The following NAV3 variants were observed in gnomAD, a reference collection of about 807,000 sequenced individuals.
NAV3 encodes the protein pore membrane and/or filament interacting like protein 1.
In NAV3, 87 loss-of-function variants were observed where a neutral mutation model predicts 244.7. The ratio of observed to expected loss-of-function variants is 0.36; its 90% confidence interval spans 0.30 to 0.42. The LOEUF is 0.42. Ranked by LOEUF, NAV3 falls within the 20% of genes least tolerant of loss-of-function variation. The probability of loss-of-function intolerance (pLI) is 1.00; values close to 1 mark genes in which losing one functional copy is unlikely to be tolerated. For synonymous variants in NAV3, 1,126 were observed against 1,042.2 expected, an observed-to-expected ratio of 1.08 and a Z score of -1.55; for missense variants, 2,663 against 2,893.3, an observed-to-expected ratio of 0.92 and a Z score of 1.83.
At chr12:77,685,826 A>G (rs937648039) in intron 2 of NAV3, among the ~76,000 whole-genome samples, 46 of 152,216 alleles carry the variant, frequency 3.0e-4, no homozygotes, top group African/African-American at 1.1e-3. Context: ...TAATTTATAA[A>G]TAGAAAAATT....
rs1428843046 is a variant in NAV3, at chr12:78,119,467, G to T, written c.3271G>T (p.Ala1091Ser). ...SSGATITSGSATLGKIPKSAA... is the reference protein window; with the variant it reads ...SSGATITSGSSTLGKIPKSAA... ...TGGAGCAACCATAACAAGTGGCTCT[G>T]CAACACTGGGTAAAATTCCAAAATC... Residue 1091 changes from alanine to serine, a missense_variant, in exon 15 of 40, where the codon GCA (alanine) becomes TCA (serine). Around this residue, in one of 6 missense-constraint regions of NAV3, gnomAD observed 1,521 missense variants for 1,497.0 expected, o/e 1.02. Transcript: ENST00000397909. 6.2e-7 allele frequency: 1 copy of T among 1,614,200 alleles called. No homozygotes were observed. Among genetic ancestry groups the T allele is most frequent in the Non-Finnish European group, 8.5e-7 (1 of 1,180,034 alleles).
At chr12:78,052,883 C>A (rs1364763482) in intron 11 of NAV3, among the ~76,000 whole-genome samples, 1 of 151,732 alleles carries the variant, frequency 6.6e-6, no homozygotes, top group African/African-American at 2.4e-5. Flanking sequence ...ATTTATATGG[C>A]TAATTATATA....
At chr12:77,796,759 C>T (rs912620867) in intron 2 of NAV3, among the ~76,000 whole-genome samples, 9 of 152,070 alleles carry the variant, frequency 5.9e-5, no homozygotes, top group East Asian at 1.9e-4. Flanking sequence ...TACTGAGGCA[C>T]GACTTTATAC....
At chr12:78,177,544 A>G (rs1204952731) in intron 27 of NAV3, 76 bp from the exon 28 acceptor site, 3 of 1,375,696 alleles carry the variant, frequency 2.2e-6, no homozygotes, top group African/African-American at 1.4e-5. Flanking sequence ...CTCATTCTCC[A>G]GTTTTCTGAA....
chr12:77,668,288 C>A (rs1357679017), intron 2 of NAV3, among the ~76,000 whole-genome samples: 1 of 152,124 alleles, frequency 6.6e-6, no homozygotes, highest in Admixed American at 6.5e-5. Flanking sequence ...GATGAAATCT[C>A]TGAATTGCCA....
At chr12:78,144,462 A>C (rs1013440551) in intron 20 of NAV3, among the ~76,000 whole-genome samples, 2 of 152,178 alleles carry the variant, frequency 1.3e-5, no homozygotes, top group African/African-American at 4.8e-5. Context: ...TACTGAAAAA[A>C]ATATATTAAT....
intron 2 of NAV3, among the ~76,000 whole-genome samples, chr12:77,768,963 A>T (rs1040861640): frequency 6.6e-6 from 1 of 152,232 alleles, no homozygotes; most frequent in African/African-American, 2.4e-5. Context: ...CCCTTCCTCA[A>T]AAAATAATAG....
intron 5 of NAV3, among the ~76,000 whole-genome samples, chr12:77,975,608 G>A (rs1868314740): frequency 6.6e-6 from 1 of 152,208 alleles, no homozygotes; most frequent in African/African-American, 2.4e-5. Flanking sequence ...TTCAGGCTGA[G>A]AGAAGAAATG....
At chr12:77,629,883 A>C (rs1200728329) in intron 2 of NAV3, among the ~76,000 whole-genome samples, 1 of 152,190 alleles carries the variant, frequency 6.6e-6, no homozygotes, top group Non-Finnish European at 1.5e-5. Flanking sequence ...GAATCCATAA[A>C]AAGATGAGTC....
At position 78,064,675 on chromosome 12, in the gene NAV3, C is replaced by T. The variant is rs147151654; in HGVS notation, c.2636+5560C>T. Among the ~76,000 whole-genome samples the T allele has an allele frequency of 4.9e-3, 740 of 152,002 alleles. 4 individuals are homozygous for T. Among genetic ancestry groups the T allele is most frequent in the African/African-American group, 0.016 (682 of 41,454 alleles). ...TTCAATTCATAACCCTGTGTAACTC[C>T]CAGGTGGATATGTCCTTGGGGATAT... On this transcript the variant is annotated intron_variant, in intron 12 of 39. Coordinates refer to ENST00000397909, the MANE Select transcript of NAV3 (RefSeq NM_001024383.2).
chr12:78,125,437 G>A (rs1490530221), intron 16 of NAV3, among the ~76,000 whole-genome samples: 1 of 152,066 alleles, frequency 6.6e-6, no homozygotes, highest in Non-Finnish European at 1.5e-5. Flanking sequence ...TAGGTCATTG[G>A]TGGCCATTGA....
chr12:77,813,105 A>G (rs1872372575), intron 2 of NAV3, among the ~76,000 whole-genome samples: 1 of 152,158 alleles, frequency 6.6e-6, no homozygotes, highest in Admixed American at 6.5e-5. Context: ...TTACAGGTGT[A>G]AGCCATCATG....
At chr12:77,967,805 G>T (rs1196320113) in intron 4 of NAV3, among the ~76,000 whole-genome samples, 1 of 151,812 alleles carries the variant, frequency 6.6e-6, no homozygotes, top group East Asian at 1.9e-4. Context: ...AAGGATTTCT[G>T]CTTATTCAAT....
chr12:78,025,892 G>T (rs1040748479), intron 9 of NAV3, among the ~76,000 whole-genome samples: 8 of 152,164 alleles, frequency 5.3e-5, no homozygotes, highest in Non-Finnish European at 1.0e-4. Context: ...GCAGATGCTG[G>T]AAGCAGCTTC....
chr12:77,671,299 C>A (rs181092760), intron 2 of NAV3, among the ~76,000 whole-genome samples: 11 of 151,894 alleles, frequency 7.2e-5, no homozygotes, highest in Admixed American at 5.2e-4. Flanking sequence ...TGGAAGAACT[C>A]ATAGATGACA....
intron 1 of NAV3, among the ~76,000 whole-genome samples, chr12:77,858,583 C>T (rs114477725): frequency 6.6e-6 from 1 of 152,044 alleles, no homozygotes; most frequent in African/African-American, 2.4e-5. Flanking sequence ...TTTTATTACA[C>T]TATCTCATTG....
At chr12:78,113,177 T>C (rs1487948199) in intron 12 of NAV3, among the ~76,000 whole-genome samples, 2 of 152,228 alleles carry the variant, frequency 1.3e-5, no homozygotes, top group African/African-American at 4.8e-5. Context: ...TCCAGGCTGC[T>C]TTTACAAGCT....
chr12:77,855,959 G>T (rs1878336581), intron 1 of NAV3, among the ~76,000 whole-genome samples: 1 of 152,190 alleles, frequency 6.6e-6, no homozygotes, highest in African/African-American at 2.4e-5. Context: ...TATATAGCAA[G>T]TGCTAACTGA....
chr12:77,858,228 G>C (rs1565862835), intron 1 of NAV3, among the ~76,000 whole-genome samples: 1 of 151,792 alleles, frequency 6.6e-6, no homozygotes. Context: ...TTAAAACTCT[G>C]GAGTATGGCT....
Sources: allele counts gnomAD v4.1 joint callset (sites outside exome capture counted in the v4.1 genomes callset), GRCh38; gene constraint gnomAD v4.1.1; regional missense constraint gnomAD v4.1.1; transcripts MANE v1.5; gene names NCBI Gene and HGNC (gene_info 2026-07-23, HGNC 2026-07-21).